The following MORC2 variants were observed in gnomAD, a reference collection of about 807,000 sequenced individuals.
The protein encoded by MORC2 is MORC family CW-type zinc finger 2, also known as ATPase MORC2.
Under a neutral mutation model 136.0 loss-of-function variants are expected in MORC2, and 30 were observed. That is an observed-to-expected ratio of 0.22 (90% CI 0.17 to 0.30). The LOEUF (loss-of-function observed/expected upper bound fraction) is 0.30. Ranked by LOEUF, MORC2 falls within the 10% of genes least tolerant of loss-of-function variation. The probability of loss-of-function intolerance (pLI) is 1.00; values close to 1 mark genes in which losing one functional copy is unlikely to be tolerated. For missense variants in MORC2, 922 were observed against 1,333.1 expected, an observed-to-expected ratio of 0.69 and a Z score of 4.80; for synonymous variants, 439 against 487.0, an observed-to-expected ratio of 0.90 and a Z score of 1.30.
intron 4 of MORC2, among the ~76,000 whole-genome samples, 157 bp from the exon 5 acceptor site, chr22:30,949,999 C>T (rs143523550): frequency 1.6e-3 from 251 of 152,340 alleles, no homozygotes; most frequent in African/African-American, 5.7e-3. Context: ...CATGGAGGCA[C>T]AGCTTTGCCT....
At position 30,936,591 on chromosome 22, in the gene MORC2, C is replaced by T; in HGVS notation, c.1657G>A (p.Asp553Asn). 1 of 1,614,176 alleles carries T rather than the reference C, an allele frequency of 6.2e-7. No individual in the cohort carries two copies. The highest frequency in any genetic ancestry group is 8.5e-7 in the Non-Finnish European group (1 of 1,180,034). Reference sequence around the variant, plus strand: ...TGCTTCTCTTCCTGCGTCTTCATGTCCTTTCTGAATGTTCCCAGGGGAACC... The same window carrying T: ...TGCTTCTCTTCCTGCGTCTTCATGTTCTTTCTGAATGTTCCCAGGGGAACC... ...QKVPLGTFRKDMKTQEEKQKQ... is the reference protein window; with the variant it reads ...QKVPLGTFRKNMKTQEEKQKQ... Residue 553 changes from aspartate (D) to asparagine (N), a missense_variant, in exon 17 of 26, where the codon GAC becomes AAC. By Grantham distance (23) the Asp-to-Asn change is conservative. Around this residue, in one of 9 missense-constraint regions of MORC2, gnomAD observed 119 missense variants for 202.7 expected, o/e 0.59. Coordinates refer to ENST00000397641, the MANE Select transcript of MORC2 (RefSeq NM_001303256.3).
rs1337452928 is a variant in MORC2 at position 30,933,499 on chromosome 22, C to A, written c.2347G>T (p.Glu783Ter). ...GCTCTCTTGAGGTCAGCCGAGTCCTCTTCCCCAGCACTGTCTGAGAGCTGC... is the reference window on the plus strand; with the variant it reads ...GCTCTCTTGAGGTCAGCCGAGTCCTATTCCCCAGCACTGTCTGAGAGCTGC... ...SNELSDSAGE[E>*]DSADLKRAQK... The change falls in exon 21 of 26, where the codon GAG becomes TAG. Residue 783 changes from glutamate to a stop codon, truncating the protein, a stop_gained. Coordinates refer to ENST00000397641, the MANE Select transcript of MORC2 (RefSeq NM_001303256.3). LOFTEE classifies it high-confidence loss of function. 1 of 1,613,958 alleles carries A rather than the reference C, an allele frequency of 6.2e-7. No individual in the cohort carries two copies. The highest frequency in any genetic ancestry group is 1.1e-5 in the South Asian group (1 of 91,074).
chr22:30,967,562 C>T lies in MORC2; in HGVS notation c.68+260G>A, dbSNP rs1335839892. On this transcript the variant is annotated intron_variant, in intron 1 of 25. Coordinates refer to ENST00000397641, the MANE Select transcript of MORC2 (RefSeq NM_001303256.3). ...TAAACACTTGAATGAAACAACTCAA[C>T]ATATTGACTTCAAATAACTAAAGTT... 15 of 1,291,158 alleles carry T rather than the reference C, an allele frequency of 1.2e-5. No homozygotes were observed. The South Asian group carries it at 1.3e-4, about 11-fold the overall frequency. The allele number at this position is 1,291,158 out of a possible 1,614,324, so 80.0% of individuals were successfully genotyped here.
At chr22:30,928,305 G>A (rs1015943165) in intron 24 of MORC2, 98 bp from the exon 25 acceptor site, 1 of 1,198,064 alleles carries the variant, frequency 8.3e-7, no homozygotes, top group Admixed American at 2.0e-5. Context: ...CTTTACCCAA[G>A]GATGCCTGGT....
rs149583034 is a variant in MORC2, at chr22:30,936,016, T to C, written c.1737+495A>G. 1.2e-3 allele frequency among the ~76,000 whole-genome samples: 182 copies of C among 152,358 alleles called. 1 individual carries two copies. In the South Asian group the frequency reaches 0.013, roughly 11 times the overall value. ...CTTTAGAAATAGTTGCAAAAAGCCATAGAATTTTACAATGGACCTTTTAAG... is the reference window on the plus strand; with the variant it reads ...CTTTAGAAATAGTTGCAAAAAGCCACAGAATTTTACAATGGACCTTTTAAG... On this transcript the variant is annotated intron_variant, in intron 17 of 25. Transcript: ENST00000397641.
intron 1 of MORC2, among the ~76,000 whole-genome samples, chr22:30,966,703 G>C (rs2041133657): frequency 1.3e-5 from 2 of 152,096 alleles, no homozygotes; most frequent in African/African-American, 2.4e-5. Context: ...GTTTGAACCT[G>C]GGAGGTGAAG....
Position 30,956,800 on chromosome 22 carries a change from G to A in MORC2, c.123-3C>T, listed in dbSNP as rs1002764597. 5.2e-6 allele frequency: 8 copies of A among 1,543,656 alleles called. No homozygotes were observed. In the African/African-American group the frequency reaches 1.1e-4, roughly 21 times the overall value. ...CTATTCTGGTGGCATCAGCATCTCTGCAAAGTGAAAAGAAAAGAATCATGT... is the reference window on the plus strand; with the variant it reads ...CTATTCTGGTGGCATCAGCATCTCTACAAAGTGAAAAGAAAAGAATCATGT... On this transcript the variant is annotated splice_polypyrimidine_tract_variant and splice_region_variant and intron_variant, in intron 2 of 25. Coordinates refer to ENST00000397641, the MANE Select transcript of MORC2 (RefSeq NM_001303256.3).
In MORC2 at chr22:30,941,411, G is replaced by A. The variant is rs751927584; in HGVS notation, c.824+22C>T. The A allele has an allele frequency of 1.9e-6, 3 of 1,612,246 alleles. No individual in the cohort carries two copies. Among genetic ancestry groups the A allele is most frequent in the African/African-American group, 1.3e-5 (1 of 74,908 alleles). On this transcript the variant is annotated intron_variant, in intron 9 of 25. Coordinates refer to ENST00000397641, the MANE Select transcript of MORC2 (RefSeq NM_001303256.3). The surrounding 1 kb of genome is among the most constrained non-coding windows in gnomAD (Gnocchi z 4.6). ...ATCCTCGACCCATGGGAGACAGCAG[G>A]CCAAGGGGCACTGGCCCCTACCTGG...
intron 1 of MORC2, chr22:30,963,378 C>G: frequency 1.5e-5 from 13 of 885,304 alleles, no homozygotes; most frequent in Non-Finnish European, 1.7e-5. Flanking sequence ...TCACTTTCAA[C>G]TGATTATGGC....
intron 12 of MORC2, 63 bp downstream of exon 12, chr22:30,939,558 T>C (rs2040709501): frequency 6.6e-7 from 1 of 1,519,028 alleles, no homozygotes; most frequent in Non-Finnish European, 9.0e-7. Context: ...AATAGCAACC[T>C]GTCAATAATC....
rs924468105 is a variant in MORC2, at chr22:30,941,891, G to A, written c.698C>T (p.Thr233Met). The change falls in exon 8 of 26, where the codon ACG becomes ATG. Residue 233 changes from threonine (T) to methionine (M), a missense_variant and splice_region_variant. Around this residue, in one of 9 missense-constraint regions of MORC2, gnomAD observed 261 missense variants for 354.3 expected, o/e 0.74. Coordinates refer to ENST00000397641, the MANE Select transcript of MORC2 (RefSeq NM_001303256.3). The surrounding 1 kb of genome is among the most constrained non-coding windows in gnomAD (Gnocchi z 4.6). ...IQMAETSPEG[T>M]KPERRSFRAY... is the part of the protein sequence containing the mutation. ...TCCCTCCCTTCCCAGCCACACTCAC[G>A]TGCCCTCTGGGGACGTCTCTGCCAT... 3 of 1,604,842 alleles carry A rather than the reference G, an allele frequency of 1.9e-6. No individual in the cohort carries two copies. Among genetic ancestry groups the A allele is most frequent in the South Asian group, 1.1e-5 (1 of 90,886 alleles).
chr22:30,950,125 A>G (rs1433244497), intron 4 of MORC2, among the ~76,000 whole-genome samples: 1 of 152,166 alleles, frequency 6.6e-6, no homozygotes, highest in Admixed American at 6.5e-5. Flanking sequence ...TGATAAATAC[A>G]ACGCCAAGAG....
Position 30,932,835 on chromosome 22 carries a change from G to C in MORC2, c.2522+54C>G. 6.2e-7 allele frequency: 1 copy of C among 1,613,418 alleles called. No individual in the cohort carries two copies. The highest frequency in any genetic ancestry group is 2.2e-5 in the East Asian group (1 of 44,872). Reference sequence around the variant, plus strand: ...TCCCAGGATGGGCTGCTGGCAGGGAGGCCGGGGATACCTCCTTCGAGGAAC... The same window carrying C: ...TCCCAGGATGGGCTGCTGGCAGGGACGCCGGGGATACCTCCTTCGAGGAAC... On this transcript the variant is annotated intron_variant, in intron 22 of 25. Transcript: ENST00000397641. The surrounding 1 kb of genome is among the most constrained non-coding windows in gnomAD (Gnocchi z 4.4).
chr22:30,950,336 C>CGGGGGGGGGGGGGGGG, intron 4 of MORC2, 41 bp downstream of exon 4: 1 of 764,018 alleles, frequency 1.3e-6, no homozygotes, highest in Non-Finnish European at 2.4e-6. Context: ...ATGGTTACAT[C>CGGGGGGGGGGGGGGGG]GCACCCCCCC....
At chr22:30,942,319 C>T in intron 6 of MORC2, 48 bp from the exon 7 acceptor site, 2 of 1,565,466 alleles carry the variant, frequency 1.3e-6, no homozygotes, top group Non-Finnish European at 1.7e-6. Context: ...CCCAGAACAG[C>T]CTTCCTCCCA....
At position 30,968,178 on chromosome 22, in the gene MORC2, T is replaced by C. The variant is rs2041158302; in HGVS notation, c.-289A>G. On this transcript the variant is annotated 5_prime_UTR_variant, in exon 1 of 26. Coordinates refer to ENST00000397641, the MANE Select transcript of MORC2 (RefSeq NM_001303256.3). ...GCTTTTAGCATTAAGTTGCGATAGC[T>C]CAATTCAGACAATCTGAGTCTCGTG... is the stretch of plus-strand genomic sequence containing the variant. The C allele has an allele frequency of 2.9e-6, 1 of 341,228 alleles. No homozygotes were observed. The highest frequency in any genetic ancestry group is 5.5e-6 in the Non-Finnish European group (1 of 182,654). The allele number at this position is 341,228 out of a possible 1,614,324, so 21.1% of individuals were successfully genotyped here.
In MORC2 at chr22:30,968,029, A is replaced by C. The variant is rs761853966; in HGVS notation, c.-140T>G. On this transcript the variant is annotated 5_prime_UTR_variant, in exon 1 of 26. Transcript: ENST00000397641. ...TGACAGTTAAAGTAACCTAGTAGCTATCCAAAATATATGCAGAGATGTTTA... is the reference window on the plus strand; with the variant it reads ...TGACAGTTAAAGTAACCTAGTAGCTCTCCAAAATATATGCAGAGATGTTTA... 7 of 661,598 alleles carry C rather than the reference A, an allele frequency of 1.1e-5. No homozygotes were observed. The Admixed American group carries it at 2.1e-4, about 20-fold the overall frequency. The allele number at this position is 661,598 out of a possible 1,614,324, so 41.0% of individuals were successfully genotyped here.
chr22:30,940,798 C>T lies in MORC2; in HGVS notation c.864G>A (p.Ala288=), dbSNP rs753519214. ...GCTCTGCTTTCTTCACCTCCTGCTC[C>T]GCACGGGTCTTGAAACGGCTTGACG... ...KYTSSRFKTR[A]EQEVKKAEHV... The change falls in exon 10 of 26, where the codon GCG becomes GCA. Residue 288 remains alanine, a synonymous_variant. Transcript: ENST00000397641. The T allele has an allele frequency of 9.9e-6, 16 of 1,613,986 alleles. No homozygotes were observed. The highest frequency in any genetic ancestry group is 3.3e-4 in the Middle Eastern group (2 of 6,084).
chr22:30,948,592 G>A (rs1241441780), intron 5 of MORC2, among the ~76,000 whole-genome samples: 1 of 152,304 alleles, frequency 6.6e-6, no homozygotes, highest in Non-Finnish European at 1.5e-5. Flanking sequence ...GCTTAGAGAC[G>A]TAGTAGCGGA....
Sources: allele counts gnomAD v4.1 joint callset (sites outside exome capture counted in the v4.1 genomes callset), GRCh38; gene constraint gnomAD v4.1.1; regional missense constraint gnomAD v4.1.1; non-coding constraint Gnocchi (gnomAD v3.1); transcripts MANE v1.5; gene names NCBI Gene and HGNC (gene_info 2026-07-23, HGNC 2026-07-21).